Variants in MIGA2 observed in about 807,000 individuals in gnomAD.
MIGA2 encodes the protein mitoguardin 2, also known as family with sequence similarity 73, member B.
A neutral mutation model predicts 69.9 loss-of-function variants in MIGA2; 36 were observed. The ratio of observed to expected loss-of-function variants is 0.52; its 90% CI spans 0.39 to 0.68. The LOEUF (loss-of-function observed/expected upper bound fraction) is 0.68, where lower values mean the gene tolerates loss of function less well. Ranked by LOEUF, MIGA2 falls within the 30% of genes least tolerant of loss-of-function variation. The probability of loss-of-function intolerance (pLI) is 0.00; values close to 1 mark genes in which losing one functional copy is unlikely to be tolerated. For synonymous variants in MIGA2, 333 were observed against 349.2 expected, an observed-to-expected ratio of 0.95 and a Z score of 0.52; for missense variants, 660 against 787.7, an observed-to-expected ratio of 0.84 and a Z score of 1.94.
intron 4 of MIGA2, 62 bp from the exon 5 acceptor site, chr9:129,049,319 G>T (rs1845396084): frequency 3.9e-6 from 6 of 1,521,896 alleles, no homozygotes; most frequent in South Asian, 2.3e-5. Context: ...GAGGGCTCAG[G>T]GGGGCCCTGC....
At chr9:129,065,002 C>G (rs1846268815) in intron 11 of MIGA2, among the ~76,000 whole-genome samples, 1 of 151,984 alleles carries the variant, frequency 6.6e-6, no homozygotes, top group Non-Finnish European at 1.5e-5. Context: ...AGGAAGATCT[C>G]AAACTCCTGA....
intron 6 of MIGA2, among the ~76,000 whole-genome samples, chr9:129,052,670 G>A (rs926421127): frequency 5.9e-5 from 9 of 152,090 alleles, no homozygotes; most frequent in Non-Finnish European, 1.3e-4. Context: ...TCCTCTACCC[G>A]TGTGTCCCAT....
At chr9:129,038,288 C>G (rs17433122) in intron 1 of MIGA2, among the ~76,000 whole-genome samples, 10 of 152,326 alleles carry the variant, frequency 6.6e-5, no homozygotes, top group Non-Finnish European at 1.0e-4. Context: ...GTCCTTCCCA[C>G]TCACTGGGGA....
chr9:129,036,882 C>A, intron 1 of MIGA2: 1 of 950,258 alleles, frequency 1.1e-6, no homozygotes, highest in Non-Finnish European at 1.3e-6. Context: ...GTACTTGGGT[C>A]AGGGAGGTGA....
chr9:129,057,756 C>T (rs1845870482), intron 6 of MIGA2, among the ~76,000 whole-genome samples: 2 of 152,130 alleles, frequency 1.3e-5, no homozygotes, highest in Non-Finnish European at 2.9e-5. Context: ...CAGGCACACG[C>T]CACCACGCCC....
chr9:129,045,485 G>A (rs1004990424), intron 3 of MIGA2, among the ~76,000 whole-genome samples: 1 of 149,870 alleles, frequency 6.7e-6, no homozygotes, highest in African/African-American at 2.5e-5. Context: ...TAGACCGGGT[G>A]TGGTGGCTCA....
rs778350989 is a variant in MIGA2 at position 129,040,560 on chromosome 9, G to T, written c.-35G>T. ...AAGACGTTCTCCTTGGAAGCTCTTG[G>T]CCCTGAGGACTTTGCCTGGGGCATT... On this transcript the variant is annotated 5_prime_UTR_variant, in exon 2 of 16. Coordinates refer to ENST00000684074, the MANE Select transcript of MIGA2 (RefSeq NM_001329990.2). The T allele has an allele frequency of 4.4e-6, 7 of 1,597,978 alleles. No homozygotes were observed. Among genetic ancestry groups the T allele is most frequent in the Non-Finnish European group, 5.1e-6 (6 of 1,169,112 alleles).
chr9:129,064,200 T>A (rs1361539523), intron 11 of MIGA2, among the ~76,000 whole-genome samples: 1 of 151,998 alleles, frequency 6.6e-6, no homozygotes, highest in Non-Finnish European at 1.5e-5. Context: ...ATTTTTTTGA[T>A]GATTTTTTCG....
intron 2 of MIGA2, 84 bp from the exon 3 acceptor site, chr9:129,042,220 G>A (rs1247679064): frequency 2.4e-5 from 33 of 1,379,774 alleles, no homozygotes; most frequent in African/African-American, 5.7e-5. Context: ...TGTGTGTCCC[G>A]TCCCTGAGGT....
Position 129,061,455 on chromosome 9 carries a change from G to A in MIGA2, c.1010+109G>A. ...TGCTTGGCGAGGACTTAGCCTGAGT[G>A]AGTCCAGGCTGCCTGAGGGCCGTGG... On this transcript the variant is annotated intron_variant, in intron 9 of 15. Coordinates refer to ENST00000684074, the MANE Select transcript of MIGA2 (RefSeq NM_001329990.2). This position sits in a 1 kb window ranked among gnomAD's most constrained non-coding sequence, Gnocchi z 5.0. The A allele has an allele frequency of 1.0e-6, 1 of 969,198 alleles. No individual in the cohort carries two copies. 60.0% of individuals were successfully genotyped at this position (969,198 alleles called of 1,614,324 possible).
At chr9:129,063,928 G>A (rs565976810) in intron 11 of MIGA2, among the ~76,000 whole-genome samples, 8 of 152,284 alleles carry the variant, frequency 5.3e-5, no homozygotes, top group African/African-American at 9.6e-5. Flanking sequence ...AGCGCCACAC[G>A]AGGCCTCCAT....
At chr9:129,039,221 T>TGTG (rs1420444978) in intron 1 of MIGA2, among the ~76,000 whole-genome samples, 28 of 105,824 alleles carry the variant, frequency 2.6e-4, no homozygotes, top group African/African-American at 8.0e-4. Context: ...GTGTGTGTGT[T>TGTG]TTATTTTATT....
chr9:129,064,587 C>T (rs981158341), intron 11 of MIGA2, among the ~76,000 whole-genome samples: 1 of 151,656 alleles, frequency 6.6e-6, no homozygotes, highest in African/African-American at 2.4e-5. Context: ...CACATCTGAC[C>T]TCACTAGCCA....
At chr9:129,067,656 G>C (rs1204859656) in intron 11 of MIGA2, 117 bp from the exon 12 acceptor site, 2 of 866,592 alleles carry the variant, frequency 2.3e-6, no homozygotes, top group Non-Finnish European at 3.6e-6. Flanking sequence ...CGTTTTCTCT[G>C]TGCCTGCTGC....
At position 129,045,997 on chromosome 9, in the gene MIGA2, G is replaced by A. The variant is rs183837197; in HGVS notation, c.308-2430G>A. Among the ~76,000 whole-genome samples the A allele has an allele frequency of 4.6e-4, 70 of 151,914 alleles. No homozygotes were observed. In the East Asian group the frequency reaches 0.013, roughly 27 times the overall value. ...GCCTCCTGAGTAGCTGGGACTACAGGTGCGTGCCACCACGCCCAGCTAATT... is the reference window on the plus strand; with the variant it reads ...GCCTCCTGAGTAGCTGGGACTACAGATGCGTGCCACCACGCCCAGCTAATT... On this transcript the variant is annotated intron_variant, in intron 3 of 15. Transcript: ENST00000684074.
chr9:129,048,523 C>G lies in MIGA2; in HGVS notation c.404C>G (p.Ser135Cys). 6.2e-7 allele frequency: 1 copy of G among 1,613,912 alleles called. No homozygotes were observed. Among genetic ancestry groups the G allele is most frequent in the Non-Finnish European group, 8.5e-7 (1 of 1,179,798 alleles). The part of the protein sequence containing the change: ...SIEPSKHSGS[S>C]HSVASMMAVN... Reference sequence around the variant, plus strand: ...GAGCCCAGCAAGCACTCGGGCTCCTCCCACAGTGTGGCCTCGGTGAGCAGC... The same window carrying G: ...GAGCCCAGCAAGCACTCGGGCTCCTGCCACAGTGTGGCCTCGGTGAGCAGC... Residue 135 changes from serine to cysteine, a missense_variant, in exon 4 of 16, where the codon TCC becomes TGC. Physicochemically the swap from Ser to Cys is moderately radical, Grantham distance 112. This residue lies in a region of MIGA2 where 386 missense variants were observed against 402.0 expected (regional missense o/e 0.96). Transcript: ENST00000684074.
intron 6 of MIGA2, among the ~76,000 whole-genome samples, chr9:129,058,059 G>A (rs1759823726): frequency 6.6e-6 from 1 of 152,070 alleles, no homozygotes; most frequent in African/African-American, 2.4e-5. Flanking sequence ...GTTATTAGTA[G>A]TTAATAACCT....
At chr9:129,065,634 G>C (rs1028541354) in intron 11 of MIGA2, among the ~76,000 whole-genome samples, 3 of 152,188 alleles carry the variant, frequency 2.0e-5, no homozygotes, top group East Asian at 1.9e-4. Context: ...ACGGGTGTGA[G>C]CCACCACGCC....
chr9:129,069,759 C>T lies in MIGA2; in HGVS notation c.1459-90C>T, dbSNP rs1374911789. The stretch of plus-strand genomic sequence containing the variant: ...GAAAGTACATGAGCTGGGGCGACCT[C>T]TAAAGCCCAGCCCTTTATGCGACAC... On this transcript the variant is annotated intron_variant, in intron 14 of 15. Coordinates refer to ENST00000684074, the MANE Select transcript of MIGA2 (RefSeq NM_001329990.2). The surrounding 1 kb of genome is among the most constrained non-coding windows in gnomAD (Gnocchi z 4.9). 1 of 906,708 alleles carries T rather than the reference C, an allele frequency of 1.1e-6. No individual in the cohort carries two copies. 56.2% of individuals were successfully genotyped at this position (906,708 alleles called of 1,614,324 possible).
Sources: allele counts gnomAD v4.1 joint callset (sites outside exome capture counted in the v4.1 genomes callset), GRCh38; gene constraint gnomAD v4.1.1; regional missense constraint gnomAD v4.1.1; non-coding constraint Gnocchi (gnomAD v3.1); transcripts MANE v1.5; gene names NCBI Gene and HGNC (gene_info 2026-07-23, HGNC 2026-07-21).